The following SYNPR variants were observed in gnomAD, a reference collection of about 807,000 sequenced individuals.
The protein encoded by SYNPR is synaptoporin.
A neutral mutation model predicts 32.9 loss-of-function variants in SYNPR; 23 were observed. The observed-to-expected ratio is 0.70, with a 90% CI of 0.50 to 0.99. SYNPR has a LOEUF of 0.99. SYNPR is among the 50% of genes least tolerant of loss of function. The pLI is 0.00. For synonymous variants in SYNPR, 146 were observed against 135.9 expected (o/e 1.07, Z -0.52); for missense variants, 318 against 349.3 (o/e 0.91, Z 0.71).
chr3:63,307,860 G>A (rs1374531564), intron 2 of SYNPR, among the ~76,000 whole-genome samples: 13 of 152,082 alleles, frequency 8.5e-5, no homozygotes, highest in South Asian at 2.1e-4. Flanking sequence ...ATGGACTCTC[G>A]TCTAATTGCA....
chr3:63,409,665 T>C (rs1240352001), intron 2 of SYNPR, among the ~76,000 whole-genome samples: 2 of 152,218 alleles, frequency 1.3e-5, no homozygotes, highest in African/African-American at 4.8e-5. Context: ...ATGTTTACTA[T>C]GTGTGATTCA....
upstream of SYNPR, among the ~76,000 whole-genome samples, chr3:63,227,538 G>C (rs1354037012): frequency 6.6e-6 from 1 of 152,134 alleles, no homozygotes; most frequent in Non-Finnish European, 1.5e-5. Context: ...AAAATGTAGA[G>C]GGTAGGCAGT....
At chr3:63,368,374 A>T (rs1033755921) in intron 2 of SYNPR, among the ~76,000 whole-genome samples, 3 of 152,144 alleles carry the variant, frequency 2.0e-5, no homozygotes. Context: ...GCTAGTTTGA[A>T]TGAAAGAGGA....
intron 2 of SYNPR, among the ~76,000 whole-genome samples, chr3:63,408,320 G>A (rs796603406): frequency 5.4e-5 from 4 of 73,760 alleles, no homozygotes; most frequent in African/African-American, 2.3e-4. Flanking sequence ...AGGAAGGAAG[G>A]AAAGAAAGAA....
At chr3:63,525,331 C>A (rs954590926) in intron 3 of SYNPR, among the ~76,000 whole-genome samples, 2 of 152,140 alleles carry the variant, frequency 1.3e-5, no homozygotes, top group Admixed American at 6.5e-5. Context: ...AACTTTTGGA[C>A]CACAGATACC....
chr3:63,416,762 C>A (rs2088546969), intron 2 of SYNPR, among the ~76,000 whole-genome samples: 1 of 152,010 alleles, frequency 6.6e-6, no homozygotes, highest in Admixed American at 6.6e-5. Context: ...AGGCAAAGAG[C>A]TTGTGCAGGA....
At chr3:63,418,503 C>T (rs912562964) in intron 2 of SYNPR, among the ~76,000 whole-genome samples, 2 of 152,276 alleles carry the variant, frequency 1.3e-5, no homozygotes, top group South Asian at 4.1e-4. Flanking sequence ...TCTACCAGTA[C>T]TAATTTACTG....
chr3:63,420,808 A>G (rs551443819), intron 2 of SYNPR, among the ~76,000 whole-genome samples: 3 of 152,330 alleles, frequency 2.0e-5, no homozygotes, highest in Admixed American at 6.5e-5. Context: ...CAGAATGTTT[A>G]AAGAACTTAT....
chr3:63,309,115 T>G (rs1199024492), intron 2 of SYNPR, among the ~76,000 whole-genome samples: 3 of 151,988 alleles, frequency 2.0e-5, no homozygotes, highest in African/African-American at 7.2e-5. Context: ...TCTTCTACAC[T>G]TCTAATCTGT....
chr3:63,452,152 G>C (rs1365827183), intron 2 of SYNPR: 1 of 700,630 alleles, frequency 1.4e-6, no homozygotes, highest in African/African-American at 1.8e-5. Context: ...TCATTCATTT[G>C]TTCGTATGTT....
intron 2 of SYNPR, among the ~76,000 whole-genome samples, chr3:63,416,937 T>A (rs1289085059): frequency 6.6e-6 from 1 of 152,168 alleles, no homozygotes; most frequent in Non-Finnish European, 1.5e-5. Context: ...CCAAACCATC[T>A]AATTCCACTC....
chr3:63,472,067 T>C (rs966348878), intron 2 of SYNPR, among the ~76,000 whole-genome samples: 15 of 152,344 alleles, frequency 9.8e-5, no homozygotes, highest in Middle Eastern at 3.4e-3. Context: ...GTACGTGAGC[T>C]ACCACCTGCA....
intron 2 of SYNPR, among the ~76,000 whole-genome samples, chr3:63,264,087 C>G (rs2086461059): frequency 1.3e-5 from 2 of 152,302 alleles, no homozygotes; most frequent in South Asian, 4.1e-4. Flanking sequence ...GTCTTTCTGT[C>G]TCCACAAAGC....
At chr3:63,226,147 G>A (rs962368669), upstream of SYNPR, among the ~76,000 whole-genome samples, 3 of 152,102 alleles carry the variant, frequency 2.0e-5, no homozygotes, top group South Asian at 2.1e-4. Flanking sequence ...ATGAAATGGG[G>A]TTAGTCAATC....
chr3:63,583,310 G>A (rs1215804339), intron 4 of SYNPR, among the ~76,000 whole-genome samples: 1 of 152,076 alleles, frequency 6.6e-6, no homozygotes, highest in African/African-American at 2.4e-5. Flanking sequence ...GCTCCTGTAG[G>A]CCATGTGGAC....
intron 2 of SYNPR, among the ~76,000 whole-genome samples, chr3:63,324,839 C>T (rs1192297910): frequency 6.6e-6 from 1 of 151,942 alleles, no homozygotes; most frequent in Non-Finnish European, 1.5e-5. Flanking sequence ...TTAGCCTGGC[C>T]AGATGGTGAC....
intron 2 of SYNPR, among the ~76,000 whole-genome samples, chr3:63,393,489 TTCTTC>T (rs2088169884): frequency 7.5e-6 from 1 of 133,356 alleles, no homozygotes; most frequent in African/African-American, 3.1e-5. Flanking sequence ...CCTTCTTTCT[TTCTTC>T]TCTTTTTTTT....
At chr3:63,364,362 T>C (rs1411392052) in intron 2 of SYNPR, among the ~76,000 whole-genome samples, 1 of 152,208 alleles carries the variant, frequency 6.6e-6, no homozygotes, top group Non-Finnish European at 1.5e-5. Context: ...AGGAGCTTAA[T>C]GTCAATTCAC....
intron 2 of SYNPR, among the ~76,000 whole-genome samples, chr3:63,372,372 G>A (rs2087827144): frequency 6.6e-6 from 1 of 151,044 alleles, no homozygotes; most frequent in Non-Finnish European, 1.5e-5. Flanking sequence ...CTCTGAGAGG[G>A]AGCTCCCAGA....
Sources: allele counts gnomAD v4.1 joint callset (sites outside exome capture counted in the v4.1 genomes callset), GRCh38; gene constraint gnomAD v4.1.1; transcripts MANE v1.5; gene names NCBI Gene and HGNC (gene_info 2026-07-23, HGNC 2026-07-21).